EFCAB13: variants seen among roughly 807,000 people sequenced by gnomAD.
EFCAB13 encodes EF-hand calcium binding domain 13, also known as EF-hand calcium-binding domain-containing protein 13.
EFCAB13 carries 91 observed loss-of-function variants against 110.2 expected under a neutral mutation model. That is an observed-to-expected ratio of 0.83 (90% CI 0.70 to 0.98). The LOEUF (loss-of-function observed/expected upper bound fraction) is 0.98, where lower values mean the gene tolerates loss of function less well. Among genes scored for constraint, EFCAB13 ranks in the 50% least tolerant of loss-of-function variants. The pLI is 0.00. For missense variants in EFCAB13, 968 were observed against 1,119.4 expected (o/e 0.86, Z 1.93); for synonymous variants, 323 against 369.9 (o/e 0.87, Z 1.45).
intron 10 of EFCAB13, among the ~76,000 whole-genome samples, chr17:47,365,699 T>A (rs937610170): frequency 6.6e-6 from 1 of 152,116 alleles, no homozygotes; most frequent in Admixed American, 6.5e-5. Context: ...CTTGTATTAG[T>A]ATTGTTGGTG....
At chr17:47,354,828 A>C (rs1446274547) in intron 9 of EFCAB13, among the ~76,000 whole-genome samples, 2 of 152,176 alleles carry the variant, frequency 1.3e-5, no homozygotes, top group African/African-American at 4.8e-5. Context: ...CCATTCTGCC[A>C]TTCTCTGTCT....
intron 4 of EFCAB13, chr17:47,328,725 A>G (rs1238370591): frequency 5.1e-6 from 1 of 197,676 alleles, no homozygotes; most frequent in Non-Finnish European, 1.0e-5. Context: ...AAAATAATGT[A>G]GAGGACATCA....
chr17:47,412,956 T>A (rs1567803055), intron 22 of EFCAB13, 40 bp downstream of exon 22: 1 of 1,588,702 alleles, frequency 6.3e-7, no homozygotes, highest in Admixed American at 1.8e-5. Context: ...TCATTTTTTT[T>A]CTACTTATGA....
At chr17:47,438,882 G>C (rs960130580) in intron 24 of EFCAB13, among the ~76,000 whole-genome samples, 1 of 152,030 alleles carries the variant, frequency 6.6e-6, no homozygotes, top group Non-Finnish European at 1.5e-5. Context: ...TTCACTTTCA[G>C]AATCTGTCCT....
At chr17:47,328,744 T>C (rs184671006) in intron 4 of EFCAB13, 1 of 179,788 alleles carries the variant, frequency 5.6e-6, no homozygotes, top group Non-Finnish European at 1.1e-5. Context: ...CAAATTTCTT[T>C]AGCCCTCTTA....
chr17:47,420,491 T>C (rs1028375285), intron 23 of EFCAB13, among the ~76,000 whole-genome samples: 1 of 140,352 alleles, frequency 7.1e-6, no homozygotes, highest in Non-Finnish European at 1.6e-5. Flanking sequence ...CCATCCCATC[T>C]AGGAAGTGAG....
intron 23 of EFCAB13, among the ~76,000 whole-genome samples, chr17:47,421,832 T>A (rs1057001549): frequency 4.6e-5 from 7 of 152,184 alleles, no homozygotes; most frequent in African/African-American, 1.4e-4. Flanking sequence ...TTAGAAAATC[T>A]GAAGAGTAAC....
chr17:47,375,351 C>T (rs1346046471), intron 12 of EFCAB13, among the ~76,000 whole-genome samples: 1 of 152,066 alleles, frequency 6.6e-6, no homozygotes, highest in African/African-American at 2.4e-5. Context: ...AGTGTAGTGG[C>T]GTGATCCTAG....
At position 47,405,799 on chromosome 17, in the gene EFCAB13, AT is replaced by A. The variant is rs577993077; in HGVS notation, c.2233+1169del. On this transcript the variant is annotated intron_variant, in intron 20 of 24. Coordinates refer to ENST00000331493, the MANE Select transcript of EFCAB13 (RefSeq NM_152347.5). Reference sequence around the variant, plus strand: ...TCTTGGGTTTATCTTTAGCGTTTCTATTTATAGTTTAAAAATTAATTTCTGA... The same window carrying A: ...TCTTGGGTTTATCTTTAGCGTTTCTATTATAGTTTAAAAATTAATTTCTGA... Among the ~76,000 whole-genome samples, 494 of 151,686 alleles carry A rather than the reference AT, an allele frequency of 3.3e-3. 1 individual carries two copies. Among genetic ancestry groups the A allele is most frequent in the Non-Finnish European group, 5.4e-3 (366 of 67,858 alleles).
At chr17:47,418,176 C>T (rs1050227838) in intron 23 of EFCAB13, among the ~76,000 whole-genome samples, 17 of 152,180 alleles carry the variant, frequency 1.1e-4, no homozygotes, top group Non-Finnish European at 1.6e-4. Context: ...CCCTTCAAGG[C>T]TTGAGGGTTA....
At chr17:47,324,384 T>C (rs975954107) in intron 1 of EFCAB13, 70 bp from the exon 2 acceptor site, 2 of 152,202 alleles carry the variant, frequency 1.3e-5, no homozygotes, top group African/African-American at 4.8e-5. Flanking sequence ...CGGAGACCTC[T>C]ATTAGCACAC....
chr17:47,404,697 G>A, intron 20 of EFCAB13, 64 bp downstream of exon 20: 1 of 1,268,952 alleles, frequency 7.9e-7, no homozygotes. Flanking sequence ...AGTTCACCTA[G>A]TAAAACCCTA....
intron 14 of EFCAB13, 83 bp downstream of exon 14, chr17:47,379,336 C>T: frequency 9.3e-7 from 1 of 1,070,692 alleles, no homozygotes; most frequent in South Asian, 1.3e-5. Flanking sequence ...ACTGGGCTTG[C>T]TTTTGGATGG....
At chr17:47,393,671 G>A (rs184847374) in intron 15 of EFCAB13, among the ~76,000 whole-genome samples, 1 of 151,566 alleles carries the variant, frequency 6.6e-6, no homozygotes, top group African/African-American at 2.4e-5. Context: ...AGCTGAGATT[G>A]CACCGCTGCA....
chr17:47,414,965 T>C lies in EFCAB13; in HGVS notation c.2494+46T>C, dbSNP rs569620629. On this transcript the variant is annotated intron_variant, in intron 23 of 24. Coordinates refer to ENST00000331493, the MANE Select transcript of EFCAB13 (RefSeq NM_152347.5). ...CAAGAGAATGGCTAGAAAATAAATATTTAAAAATGACATTTAAAAATGAAA... is the reference window on the plus strand; with the variant it reads ...CAAGAGAATGGCTAGAAAATAAATACTTAAAAATGACATTTAAAAATGAAA... The C allele has an allele frequency of 1.4e-3, 1,928 of 1,362,998 alleles. 58 individuals are homozygous for C. In the South Asian group the frequency reaches 0.023, roughly 16 times the overall value. The allele number at this position is 1,362,998 out of a possible 1,614,324, so 84.4% of individuals were successfully genotyped here. A position where few individuals can be genotyped will look rare whatever the true frequency, so the allele number is the denominator to read the frequency against.
At chr17:47,435,159 A>G (rs1905189227) in intron 24 of EFCAB13, among the ~76,000 whole-genome samples, 1 of 152,196 alleles carries the variant, frequency 6.6e-6, no homozygotes, top group Non-Finnish European at 1.5e-5. Flanking sequence ...AATATCAAGA[A>G]TCTACAAAGA....
intron 9 of EFCAB13, among the ~76,000 whole-genome samples, chr17:47,350,530 C>T (rs928629662): frequency 6.6e-6 from 1 of 152,094 alleles, no homozygotes. Context: ...ACCACATACT[C>T]GTTAGTCATA....
intron 20 of EFCAB13, among the ~76,000 whole-genome samples, chr17:47,407,529 G>A (rs1300945769): frequency 6.6e-6 from 1 of 152,030 alleles, no homozygotes; most frequent in Non-Finnish European, 1.5e-5. Context: ...TCTGTTTGTA[G>A]CATTGAATGA....
At chr17:47,332,705 G>T (rs1255261163) in intron 4 of EFCAB13, among the ~76,000 whole-genome samples, 1 of 152,068 alleles carries the variant, frequency 6.6e-6, no homozygotes, top group Non-Finnish European at 1.5e-5. Context: ...ACTTAGCATA[G>T]TGTCTTCCAG....
Sources: gnomAD v4.1 joint callset for allele counts (sites outside exome capture counted in the v4.1 genomes callset) on GRCh38, gnomAD v4.1.1 for gene constraint, MANE v1.5 for transcripts, NCBI Gene and HGNC (gene_info 2026-07-23, HGNC 2026-07-21) for gene names.